Variants in MTSS1 observed in about 807,000 individuals in gnomAD.
MTSS1 encodes protein MTSS 1.
In MTSS1, 18 loss-of-function variants were observed where a neutral mutation model predicts 79.0. The ratio of observed to expected loss-of-function variants is 0.23; its 90% CI spans 0.16 to 0.34. The LOEUF (loss-of-function observed/expected upper bound fraction) is 0.34. MTSS1 is among the 10% of genes least tolerant of loss of function. The probability of loss-of-function intolerance (pLI) is 1.00; values close to 1 mark genes in which losing one functional copy is unlikely to be tolerated. For missense variants in MTSS1, 815 were observed against 986.2 expected, an observed-to-expected ratio of 0.83 and a Z score of 2.33; for synonymous variants, 341 against 368.6, an observed-to-expected ratio of 0.93 and a Z score of 0.86.
chr8:124,556,636 T>A, intron 11 of MTSS1: 2 of 555,196 alleles, frequency 3.6e-6, no homozygotes, highest in East Asian at 3.0e-5. Flanking sequence ...GCCCAAAGAT[T>A]AAAAACCCTC....
Position 124,582,788 on chromosome 8 carries a change from C to G in MTSS1, c.460+2299G>C, listed in dbSNP as rs559514172. ...GAAAGGGAAATGTCAGCTAACCAGA[C>G]CCCTAAACAACTGAAAGCCTCAAAT... On this transcript the variant is annotated intron_variant, in intron 6 of 13. Coordinates refer to ENST00000518547, the MANE Select transcript of MTSS1 (RefSeq NM_014751.6). The surrounding 1 kb of genome is among the most constrained non-coding windows in gnomAD (Gnocchi z 4.8). 6.6e-6 allele frequency among the ~76,000 whole-genome samples: 1 copy of G among 152,270 alleles called. No homozygotes were observed. Among genetic ancestry groups the G allele is most frequent in the East Asian group, 1.9e-4 (1 of 5,192 alleles).
chr8:124,667,175 G>A (rs974189654), intron 3 of MTSS1, among the ~76,000 whole-genome samples: 32 of 152,194 alleles, frequency 2.1e-4, no homozygotes, highest in Non-Finnish European at 3.7e-4. Flanking sequence ...ACCCTCATGG[G>A]GAGGCGCTCT....
rs1192093121 is a variant in MTSS1 at position 124,728,013 on chromosome 8, G to A, written c.-58C>T. 15 of 1,493,318 alleles carry A rather than the reference G, an allele frequency of 1.0e-5. No individual in the cohort carries two copies. The highest frequency in any genetic ancestry group is 1.7e-4 in the Middle Eastern group (1 of 5,852). The allele number at this position is 1,493,318 out of a possible 1,614,324, so 92.5% of individuals were successfully genotyped here. ...GCGGGGCCGCTGGACTGCGCGCGGG[G>A]CCGGGGCTCGCTCACCCCAGAAGGA... On this transcript the variant is annotated 5_prime_UTR_variant, in exon 1 of 14. Coordinates refer to ENST00000518547, the MANE Select transcript of MTSS1 (RefSeq NM_014751.6). The surrounding 1 kb of genome is among the most constrained non-coding windows in gnomAD (Gnocchi z 6.1).
At chr8:124,694,461 A>T (rs1333382429) in intron 3 of MTSS1, among the ~76,000 whole-genome samples, 1 of 151,894 alleles carries the variant, frequency 6.6e-6, no homozygotes, top group Non-Finnish European at 1.5e-5. Context: ...GGCAGACTAG[A>T]TCATCTTTAA....
chr8:124,563,722 G>A (rs1320611528), intron 9 of MTSS1, among the ~76,000 whole-genome samples: 2 of 152,196 alleles, frequency 1.3e-5, no homozygotes, highest in Non-Finnish European at 2.9e-5. Flanking sequence ...AGCTTTCAGC[G>A]ACTAAGGGCA....
chr8:124,556,055 T>C (rs1447975139), intron 12 of MTSS1, 151 bp from the exon 13 acceptor site: 9 of 1,540,904 alleles, frequency 5.8e-6, no homozygotes, highest in Non-Finnish European at 7.8e-6. Context: ...GTTCTGCCTC[T>C]CTCATTCCCA....
chr8:124,601,729 G>A (rs1385932129), intron 3 of MTSS1, among the ~76,000 whole-genome samples: 1 of 152,116 alleles, frequency 6.6e-6, no homozygotes, highest in Non-Finnish European at 1.5e-5. Flanking sequence ...GGCAAGGCTG[G>A]GTACACCATC....
At chr8:124,577,685 T>C in intron 6 of MTSS1, 1 of 510,880 alleles carries the variant, frequency 2.0e-6, no homozygotes, top group Non-Finnish European at 3.9e-6. Context: ...CATTCTGTAT[T>C]TCCTCATCAG....
At chr8:124,651,134 G>C (rs1339266713) in intron 3 of MTSS1, among the ~76,000 whole-genome samples, 1 of 152,134 alleles carries the variant, frequency 6.6e-6, no homozygotes, top group Non-Finnish European at 1.5e-5. Flanking sequence ...TTGTCTTCTC[G>C]TGTGTACTGT....
intron 3 of MTSS1, among the ~76,000 whole-genome samples, chr8:124,695,232 G>C (rs959479642): frequency 5.3e-5 from 8 of 152,074 alleles, no homozygotes; most frequent in Non-Finnish European, 1.0e-4. Flanking sequence ...CTAATATTTT[G>C]GAAACCAGAG....
At chr8:124,648,709 G>GCCCC (rs565378341) in intron 3 of MTSS1, among the ~76,000 whole-genome samples, 12,155 of 146,260 alleles carry the variant, frequency 0.083, 710 homozygotes, top group African/African-American at 0.16. Flanking sequence ...CCAAATAGCA[G>GCCCC]CCCCCCCCCA....
intron 3 of MTSS1, among the ~76,000 whole-genome samples, chr8:124,623,627 T>TTTTGTTTG (rs34585373): frequency 2.6e-5 from 4 of 152,022 alleles, no homozygotes; most frequent in African/African-American, 4.8e-5. Context: ...TTCTGTGTTT[T>TTTTGTTTG]TTTGTTTGTT....
intron 3 of MTSS1, among the ~76,000 whole-genome samples, chr8:124,672,626 T>G (rs1309379131): frequency 6.6e-6 from 1 of 150,800 alleles, no homozygotes; most frequent in Non-Finnish European, 1.5e-5. Context: ...GATAACATGA[T>G]GAAACCTCAT....
intron 3 of MTSS1, among the ~76,000 whole-genome samples, chr8:124,613,998 C>T (rs1017843352): frequency 1.3e-5 from 2 of 151,890 alleles, no homozygotes; most frequent in African/African-American, 2.4e-5. Context: ...CTCATTTCCA[C>T]AAAACATTTT....
chr8:124,574,551 C>A (rs527996898), intron 6 of MTSS1, among the ~76,000 whole-genome samples: 6 of 152,290 alleles, frequency 3.9e-5, no homozygotes, highest in Admixed American at 3.9e-4. Flanking sequence ...AACATGAATG[C>A]TGGGAACAAG....
chr8:124,558,855 C>A, intron 10 of MTSS1: 1 of 1,534,316 alleles, frequency 6.5e-7, no homozygotes, highest in South Asian at 1.2e-5. Context: ...AGGGGCCACA[C>A]GAGGGGACCA....
At chr8:124,568,903 T>C in intron 6 of MTSS1, 1 of 1,374,502 alleles carries the variant, frequency 7.3e-7, no homozygotes, top group Non-Finnish European at 9.4e-7. Flanking sequence ...GGCTAAGAGA[T>C]GTGGAAACAA....
chr8:124,596,924 C>T (rs965633329), intron 3 of MTSS1, among the ~76,000 whole-genome samples: 2 of 152,132 alleles, frequency 1.3e-5, no homozygotes. Context: ...GACCCCAGTC[C>T]TATTGGATTA....
intron 8 of MTSS1, 137 bp from the exon 9 acceptor site, chr8:124,565,896 T>C (rs1826324487): frequency 3.3e-6 from 2 of 613,574 alleles, no homozygotes; most frequent in Non-Finnish European, 5.6e-6. Flanking sequence ...TAAAAAAATT[T>C]TTTTTAAATT....
Sources: allele counts gnomAD v4.1 joint callset (sites outside exome capture counted in the v4.1 genomes callset), GRCh38; gene constraint gnomAD v4.1.1; non-coding constraint Gnocchi (gnomAD v3.1); transcripts MANE v1.5; gene names NCBI Gene and HGNC (gene_info 2026-07-23, HGNC 2026-07-21).